Variants in CCSER1 observed in about 807,000 individuals in gnomAD.
CCSER1 encodes the protein serine-rich coiled-coil domain-containing protein 1.
In CCSER1, 41 loss-of-function variants were observed where a neutral mutation model predicts 82.0. The observed-to-expected ratio is 0.50, with a 90% CI of 0.39 to 0.65. The LOEUF (loss-of-function observed/expected upper bound fraction) is 0.65, where lower values mean the gene tolerates loss of function less well. CCSER1 is among the 30% of genes least tolerant of loss of function. CCSER1 has a pLI of 0.00. For missense variants in CCSER1, 1,119 were observed against 1,064.2 expected (o/e 1.05, Z -0.72); for synonymous variants, 414 against 383.9 (o/e 1.08, Z -0.92).
intron 6 of CCSER1, among the ~76,000 whole-genome samples, chr4:90,670,501 T>A (rs189519745): frequency 1.3e-5 from 2 of 151,542 alleles, no homozygotes; most frequent in South Asian, 4.2e-4. Flanking sequence ...TGTACCTCCA[T>A]GTATTCTTTA....
chr4:91,516,971 G>A (rs1226840052), intron 10 of CCSER1, among the ~76,000 whole-genome samples: 1 of 152,016 alleles, frequency 6.6e-6, no homozygotes, highest in Non-Finnish European at 1.5e-5. Context: ...GTTATAAATG[G>A]CATTGCCCTC....
intron 7 of CCSER1, among the ~76,000 whole-genome samples, chr4:90,794,584 T>C (rs1223263286): frequency 6.6e-6 from 1 of 152,192 alleles, no homozygotes; most frequent in Non-Finnish European, 1.5e-5. Flanking sequence ...TAGTTTGAAG[T>C]TGGGTAGCTT....
chr4:90,186,190 G>C (rs1279844579), intron 1 of CCSER1, among the ~76,000 whole-genome samples: 1 of 151,952 alleles, frequency 6.6e-6, no homozygotes, highest in African/African-American at 2.4e-5. Flanking sequence ...AGAGTTAAGA[G>C]ACTTGCTCTA....
intron 10 of CCSER1, among the ~76,000 whole-genome samples, chr4:91,218,783 T>C (rs1737501389): frequency 6.6e-6 from 1 of 152,184 alleles, no homozygotes; most frequent in Non-Finnish European, 1.5e-5. Flanking sequence ...TATATTACCA[T>C]AAGTGACCAA....
chr4:91,352,356 C>G (rs1198074973), intron 10 of CCSER1, among the ~76,000 whole-genome samples: 1 of 152,164 alleles, frequency 6.6e-6, no homozygotes, highest in African/African-American at 2.4e-5. Flanking sequence ...AAGCAATTCT[C>G]CTGCCTCAGC....
At chr4:91,001,377 A>G (rs1018359917) in intron 9 of CCSER1, among the ~76,000 whole-genome samples, 6 of 151,994 alleles carry the variant, frequency 3.9e-5, no homozygotes, top group Non-Finnish European at 5.9e-5. Context: ...TTCTTTTATC[A>G]TTGTATCTTT....
rs544730055 is a variant in CCSER1 at position 90,470,879 on chromosome 4, G to A, written c.1724+2525G>A. On this transcript the variant is annotated intron_variant, in intron 5 of 10. Transcript: ENST00000509176. ...ACAATCACTATATCCAAAAGTATTT[G>A]GTGGCGATTGACTAGATAATTTGTT... 2.0e-5 allele frequency among the ~76,000 whole-genome samples: 3 copies of A among 151,074 alleles called. No individual in the cohort carries two copies. The South Asian group carries it at 6.3e-4, about 32-fold the overall frequency.
At chr4:90,780,566 T>C in intron 7 of CCSER1, 1 of 1,546,598 alleles carries the variant, frequency 6.5e-7, no homozygotes, top group South Asian at 1.2e-5. Context: ...ATAAAGACTC[T>C]TTCCATCCAG....
chr4:90,395,393 T>A (rs1052230902), intron 3 of CCSER1, among the ~76,000 whole-genome samples: 2 of 152,230 alleles, frequency 1.3e-5, no homozygotes, highest in African/African-American at 4.8e-5. Flanking sequence ...TTCTTGTTTT[T>A]ACATTTTGCA....
At chr4:90,300,553 A>G (rs1192736211) in intron 1 of CCSER1, among the ~76,000 whole-genome samples, 9 of 152,150 alleles carry the variant, frequency 5.9e-5, no homozygotes, top group Non-Finnish European at 2.9e-5. Flanking sequence ...GAGAGACAAA[A>G]ATACTTAGGA....
At chr4:91,174,855 G>A (rs1161108169) in intron 10 of CCSER1, among the ~76,000 whole-genome samples, 2 of 150,028 alleles carry the variant, frequency 1.3e-5, no homozygotes, top group Non-Finnish European at 1.5e-5. Flanking sequence ...TAATTTCTAG[G>A]GTACATGTGC....
At chr4:91,578,547 A>G (rs1004609783) in intron 10 of CCSER1, among the ~76,000 whole-genome samples, 4 of 152,072 alleles carry the variant, frequency 2.6e-5, no homozygotes, top group African/African-American at 9.6e-5. Context: ...GAAATTTGAA[A>G]CCATTCATCT....
At position 91,093,660 on chromosome 4, in the gene CCSER1, G is replaced by A. The variant is rs192686212; in HGVS notation, c.2217+7666G>A. ...AGGTAGGCCACTGGTCTTGGCCAGG[G>A]CCCCACAGTTTGGGTTAAAACTCCA... On this transcript the variant is annotated intron_variant, in intron 10 of 10. Transcript: ENST00000509176. 4.1e-4 allele frequency among the ~76,000 whole-genome samples: 62 copies of A among 152,292 alleles called. 1 individual carries two copies. The East Asian group carries it at 0.01, about 26-fold the overall frequency.
chr4:90,699,815 T>C (rs1188574179), intron 6 of CCSER1, among the ~76,000 whole-genome samples: 1 of 151,994 alleles, frequency 6.6e-6, no homozygotes, highest in Non-Finnish European at 1.5e-5. Flanking sequence ...GTGATTCAGT[T>C]ATGAGGTTGG....
intron 1 of CCSER1, among the ~76,000 whole-genome samples, chr4:90,255,197 A>C (rs1165778675): frequency 6.6e-6 from 1 of 152,184 alleles, no homozygotes; most frequent in Non-Finnish European, 1.5e-5. Flanking sequence ...TACCATCAGA[A>C]TTTCCATTTA....
intron 10 of CCSER1, among the ~76,000 whole-genome samples, chr4:91,272,055 T>A (rs1742077695): frequency 6.6e-6 from 1 of 152,240 alleles, no homozygotes; most frequent in South Asian, 2.1e-4. Context: ...CAATTGCAAA[T>A]TGTGCTGCTA....
chr4:90,545,306 G>C (rs1268282037), intron 5 of CCSER1, among the ~76,000 whole-genome samples: 2 of 151,978 alleles, frequency 1.3e-5, no homozygotes, highest in Non-Finnish European at 2.9e-5. Context: ...AGAAATCACA[G>C]ATTACCTGCA....
At chr4:91,253,667 C>A (rs1740443034) in intron 10 of CCSER1, among the ~76,000 whole-genome samples, 1 of 152,122 alleles carries the variant, frequency 6.6e-6, no homozygotes, top group Non-Finnish European at 1.5e-5. Context: ...CAATTATAAG[C>A]ATTTATGCAC....
chr4:90,347,487 A>C (rs1742580558), intron 3 of CCSER1, among the ~76,000 whole-genome samples: 1 of 152,218 alleles, frequency 6.6e-6, no homozygotes, highest in Admixed American at 6.5e-5. Context: ...AAAAATATGA[A>C]ATGGAAAATT....
Sources: gnomAD v4.1 joint callset for allele counts (sites outside exome capture counted in the v4.1 genomes callset) on GRCh38, gnomAD v4.1.1 for gene constraint, MANE v1.5 for transcripts, NCBI Gene and HGNC (gene_info 2026-07-23, HGNC 2026-07-21) for gene names.